MAN2B2: variants seen among roughly 807,000 people sequenced by gnomAD.
MAN2B2 encodes epididymis-specific alpha-mannosidase.
Under a neutral mutation model 117.1 loss-of-function variants are expected in MAN2B2, and 106 were observed. The ratio of observed to expected loss-of-function variants is 0.90; its 90% CI spans 0.77 to 1.06. The LOEUF is 1.06. Ranked by LOEUF, MAN2B2 falls within the 50% of genes least tolerant of loss-of-function variation. The probability of loss-of-function intolerance (pLI) is 0.00; values close to 1 mark genes in which losing one functional copy is unlikely to be tolerated. For synonymous variants in MAN2B2, 544 were observed against 595.1 expected (o/e 0.91, Z 1.25); for missense variants, 1,326 against 1,381.4 (o/e 0.96, Z 0.64).
intron 3 of MAN2B2, 99 bp downstream of exon 3, chr4:6,578,597 C>A: frequency 1.0e-6 from 1 of 976,120 alleles, no homozygotes; most frequent in East Asian, 2.6e-5. Flanking sequence ...GTCTGCCCCT[C>A]TTAGTGGGGT....
At chr4:6,601,375 T>G (rs1218523486) in intron 10 of MAN2B2, among the ~76,000 whole-genome samples, 1 of 151,922 alleles carries the variant, frequency 6.6e-6, no homozygotes, top group Non-Finnish European at 1.5e-5. Context: ...CGTGGTAGCA[T>G]GCACTGGTAT....
chr4:6,593,183 T>C lies in MAN2B2; in HGVS notation c.691T>C (p.Tyr231His). The change falls in exon 6 of 19, where the codon TAC becomes CAC. Residue 231 changes from tyrosine (Y) to histidine (H), a missense_variant. Transcript: ENST00000285599. Reference sequence around the variant, plus strand: ...TCTGCCCTCGCACAGGTCAGGATTTTACTGGAATGGCGTGGCTGTCTTCCC... The same window carrying C: ...TCTGCCCTCGCACAGGTCAGGATTTCACTGGAATGGCGTGGCTGTCTTCCC... ...HIPFSNRSGF[Y>H]WNGVAVFPKP... is the part of the protein sequence containing the mutation. The C allele has an allele frequency of 6.2e-7, 1 of 1,613,802 alleles. No homozygotes were observed.
chr4:6,614,141 A>G (rs890345365), intron 15 of MAN2B2, 77 bp from the exon 16 acceptor site: 7 of 1,546,850 alleles, frequency 4.5e-6, no homozygotes, highest in Non-Finnish European at 6.2e-6. Context: ...AGGGGCATGT[A>G]ATGTGCAGAG....
chr4:6,597,301 G>C lies in MAN2B2; in HGVS notation c.1246G>C (p.Glu416Gln). The C allele has an allele frequency of 6.5e-7, 1 of 1,539,936 alleles. No individual in the cohort carries two copies. ...CCAGCAGCTTCGCTGGGCCGTCTCC[G>C]AGGTAACACCACATTTAGCCACAGT... ...QLQQLRWAVS[E>Q]VQHHDAITGT... The change falls in exon 8 of 19, where the codon GAG becomes CAG. Residue 416 changes from glutamate (E) to glutamine (Q), a missense_variant and splice_region_variant. Physicochemically the swap from Glu to Gln is conservative, Grantham distance 29 (BLOSUM62 2). Transcript: ENST00000285599.
chr4:6,607,441 G>C, intron 11 of MAN2B2, among the ~76,000 whole-genome samples: 1 of 152,216 alleles, frequency 6.6e-6, no homozygotes. Flanking sequence ...CTGAGCTCAA[G>C]TGATCCACCT....
chr4:6,590,032 A>G (rs1484079775), intron 5 of MAN2B2, among the ~76,000 whole-genome samples: 1 of 151,682 alleles, frequency 6.6e-6, no homozygotes, highest in Non-Finnish European at 1.5e-5. Context: ...GTACCACTGC[A>G]CTCCAGCCTG....
chr4:6,613,138 C>T (rs572018676), intron 15 of MAN2B2, among the ~76,000 whole-genome samples: 1 of 152,272 alleles, frequency 6.6e-6, no homozygotes, highest in South Asian at 2.1e-4. Flanking sequence ...GTGGCCCATG[C>T]CTGGACCAAT....
At chr4:6,586,973 G>A (rs1163927716) in intron 3 of MAN2B2, 23 bp from the exon 4 acceptor site, 40 of 1,603,672 alleles carry the variant, frequency 2.5e-5, no homozygotes, top group Non-Finnish European at 3.2e-5. Context: ...CCAGGCACCA[G>A]CAGGGTGTTG....
At chr4:6,607,138 C>T (rs946885265) in intron 11 of MAN2B2, among the ~76,000 whole-genome samples, 8 of 152,208 alleles carry the variant, frequency 5.3e-5, no homozygotes, top group African/African-American at 1.9e-4. Context: ...ATGGATTTAC[C>T]TGTTCATACA....
At chr4:6,587,269 C>A in intron 4 of MAN2B2, 101 bp downstream of exon 4, 3 of 1,425,870 alleles carry the variant, frequency 2.1e-6, no homozygotes, top group Admixed American at 2.3e-5. Flanking sequence ...CCGAAGTGTT[C>A]GGAAATTCTT....
rs1176686364 is a variant in MAN2B2, at chr4:6,623,128, C to A, written c.*1843C>A. On this transcript the variant is annotated 3_prime_UTR_variant, in exon 19 of 19. Transcript: ENST00000285599. ...CCAGCACTTTGGGAGGCCAAAGCAA[C>A]CGGATCACTGGTGGTCAGTAGTTCA... is the stretch of plus-strand genomic sequence containing the variant. The A allele has an allele frequency of 1.3e-5, 2 of 151,808 alleles. No individual in the cohort carries two copies. The highest frequency in any genetic ancestry group is 2.9e-5 in the Non-Finnish European group (2 of 68,144). The allele number at this position is 151,808 out of a possible 1,614,324, so 9.4% of individuals were successfully genotyped here. A position where few individuals can be genotyped will look rare whatever the true frequency, so the allele number is the denominator to read the frequency against.
Position 6,621,498 on chromosome 4 carries a change from C to T in MAN2B2, c.*213C>T. The T allele has an allele frequency of 1.9e-6, 1 of 538,950 alleles. No individual in the cohort carries two copies. The highest frequency in any genetic ancestry group is 3.1e-5 in the East Asian group (1 of 32,378). The allele number at this position is 538,950 out of a possible 1,614,324, so 33.4% of individuals were successfully genotyped here. On this transcript the variant is annotated 3_prime_UTR_variant, in exon 19 of 19. Coordinates refer to ENST00000285599, the MANE Select transcript of MAN2B2 (RefSeq NM_015274.3). ...AAGATCCAGGTTCTTCCCCCCCACA[C>T]TCAATCAAGCCAGCCCTCTCCTCTT...
rs965112144 is a variant in MAN2B2 at position 6,579,171 on chromosome 4, C to T, written c.391+673C>T. Among the ~76,000 whole-genome samples, 114 of 87,062 alleles carry T rather than the reference C, an allele frequency of 1.3e-3. 8 individuals carry two copies. The highest frequency in any genetic ancestry group is 2.0e-3 in the Non-Finnish European group (82 of 40,310). The allele number at this position is 87,062 out of a possible 152,430, so 57.1% of individuals were successfully genotyped here. A position where few individuals can be genotyped will look rare whatever the true frequency, so the allele number is the denominator to read the frequency against. On this transcript the variant is annotated intron_variant, in intron 3 of 18. Transcript: ENST00000285599. Reference sequence around the variant, plus strand: ...ACCACCATCACCATCACCACCACCACCACCACCATCACCATCACCAGCACC... The same window carrying T: ...ACCACCATCACCATCACCACCACCATCACCACCATCACCATCACCAGCACC...
At position 6,593,283 on chromosome 4, in the gene MAN2B2, A is replaced by G. The variant is rs1368069867; in HGVS notation, c.791A>G (p.Glu264Gly). ...VTPANINLYA[E>G]ALVANVKQRA... ...CCAGCCAACATCAACCTCTATGCCG[A>G]GGCCCTGGTGGCCAACGTGAAGCAG... is the stretch of plus-strand genomic sequence containing the variant. The change falls in exon 6 of 19, where the codon GAG becomes GGG. Residue 264 changes from glutamate to glycine, a missense_variant. Glu to Gly is a moderately conservative substitution (Grantham distance 98). Coordinates refer to ENST00000285599, the MANE Select transcript of MAN2B2 (RefSeq NM_015274.3). The G allele has an allele frequency of 6.2e-7, 1 of 1,613,984 alleles. No individual in the cohort carries two copies. The highest frequency in any genetic ancestry group is 1.1e-5 in the South Asian group (1 of 91,074).
intron 3 of MAN2B2, among the ~76,000 whole-genome samples, chr4:6,579,322 C>CCACCAT (rs1726306728): frequency 1.7e-5 from 1 of 57,620 alleles, no homozygotes; most frequent in Non-Finnish European, 3.8e-5. Context: ...ACCACCATCA[C>CCACCAT]CACCACCACC....
At chr4:6,588,283 G>A (rs62291358) in intron 4 of MAN2B2, among the ~76,000 whole-genome samples, 51,949 of 152,082 alleles carry the variant, frequency 0.34, 9,918 homozygotes, top group East Asian at 0.6. Flanking sequence ...CTTGGCTTGT[G>A]GATGCCCCGC....
At chr4:6,619,039 C>A (rs1712031021) in intron 17 of MAN2B2, 1 of 152,262 alleles carries the variant, frequency 6.6e-6, no homozygotes, top group Non-Finnish European at 1.5e-5. Context: ...GATGGAAGCA[C>A]CAAGGCCCTG....
chr4:6,579,034 TACCACCA>T (rs1726191139), intron 3 of MAN2B2, among the ~76,000 whole-genome samples: 1 of 33,764 alleles, frequency 3.0e-5, no homozygotes, highest in Admixed American at 2.8e-4. Flanking sequence ...CCATCACCAC[TACCACCA>T]TCACCACCAT....
At chr4:6,600,816 G>A (rs906616805) in intron 10 of MAN2B2, 60 bp downstream of exon 10, 11 of 1,590,496 alleles carry the variant, frequency 6.9e-6, no homozygotes, top group East Asian at 4.5e-5. Flanking sequence ...GCTCTGGGCC[G>A]GGCACATTGT....
Sources: gnomAD v4.1 joint callset for allele counts (sites outside exome capture counted in the v4.1 genomes callset) on GRCh38, gnomAD v4.1.1 for gene constraint, MANE v1.5 for transcripts, NCBI Gene and HGNC (gene_info 2026-07-23, HGNC 2026-07-21) for gene names.